Variants in CCDC7 observed in about 807,000 individuals in gnomAD.
The protein encoded by CCDC7 is coiled-coil domain containing 7, also known as coiled-coil domain-containing protein 7.
Under a neutral mutation model 196.9 loss-of-function variants are expected in CCDC7, and 183 were observed. That is an observed-to-expected ratio of 0.93 (90% CI 0.82 to 1.05). The LOEUF (loss-of-function observed/expected upper bound fraction) is 1.05. Ranked by LOEUF, CCDC7 falls within the 50% of genes least tolerant of loss-of-function variation. The pLI, the probability that CCDC7 is intolerant of heterozygous loss-of-function variation, is 0.00. For synonymous variants in CCDC7, 525 were observed against 484.6 expected (o/e 1.08, Z -1.10); for missense variants, 1,540 against 1,482.2 (o/e 1.04, Z -0.64).
At chr10:32,819,194 C>T (rs1343000653) in intron 31 of CCDC7, among the ~76,000 whole-genome samples, 1 of 152,152 alleles carries the variant, frequency 6.6e-6, no homozygotes, top group Non-Finnish European at 1.5e-5. Context: ...CACCTCTACA[C>T]AAATAAACTA....
chr10:32,522,475 C>T (rs1308154924), intron 11 of CCDC7, among the ~76,000 whole-genome samples: 2 of 152,092 alleles, frequency 1.3e-5, no homozygotes, highest in Admixed American at 6.5e-5. Flanking sequence ...ATAGTAGCCA[C>T]TAATGATTCT....
At chr10:32,773,389 A>G (rs1354217457) in intron 28 of CCDC7, among the ~76,000 whole-genome samples, 1 of 151,660 alleles carries the variant, frequency 6.6e-6, no homozygotes, top group Non-Finnish European at 1.5e-5. Context: ...TGCTCCTCTA[A>G]TTGTATAATT....
At chr10:32,730,861 AT>A (rs1324403853) in intron 28 of CCDC7, among the ~76,000 whole-genome samples, 1 of 152,014 alleles carries the variant, frequency 6.6e-6, no homozygotes, top group African/African-American at 2.4e-5. Context: ...AAATATGGAA[AT>A]AATATTATTA....
intron 13 of CCDC7, among the ~76,000 whole-genome samples, chr10:32,558,624 C>A (rs1033732731): frequency 6.6e-6 from 1 of 152,198 alleles, no homozygotes; most frequent in African/African-American, 2.4e-5. Flanking sequence ...TGAGAATCTT[C>A]CCTAGAGTTC....
At chr10:32,444,208 G>A (rs1164821979), upstream of CCDC7, among the ~76,000 whole-genome samples, 1 of 152,170 alleles carries the variant, frequency 6.6e-6, no homozygotes, top group Non-Finnish European at 1.5e-5. Flanking sequence ...TGAAAATGAT[G>A]TTAGCTGGAG....
At chr10:32,460,297 A>G (rs963848996) in intron 3 of CCDC7, among the ~76,000 whole-genome samples, 4 of 152,202 alleles carry the variant, frequency 2.6e-5, no homozygotes, top group Non-Finnish European at 5.9e-5. Context: ...TAAGTAAATG[A>G]TTAAACAAAT....
intron 24 of CCDC7, among the ~76,000 whole-genome samples, chr10:32,698,517 G>T (rs192602475): frequency 6.6e-6 from 1 of 152,084 alleles, no homozygotes; most frequent in Admixed American, 6.6e-5. Context: ...AAATAACCTG[G>T]TGGAGCTGAA....
At chr10:32,769,398 G>C (rs2078815457) in intron 28 of CCDC7, among the ~76,000 whole-genome samples, 1 of 151,010 alleles carries the variant, frequency 6.6e-6, no homozygotes, top group Non-Finnish European at 1.5e-5. Context: ...TTTTTGGTTA[G>C]TCTAGATAGT....
intron 25 of CCDC7, among the ~76,000 whole-genome samples, chr10:32,724,441 T>C (rs1310598358): frequency 6.6e-6 from 1 of 152,106 alleles, no homozygotes; most frequent in African/African-American, 2.4e-5. Flanking sequence ...AATTAAGCCT[T>C]TTTTCAGATA....
At chr10:32,511,949 A>C (rs1344103407) in intron 9 of CCDC7, 2 of 564,078 alleles carry the variant, frequency 3.5e-6, no homozygotes, top group African/African-American at 3.8e-5. Context: ...TTAAATTATT[A>C]TGCATAAATT....
chr10:32,807,206 C>T (rs2086018518), intron 30 of CCDC7, among the ~76,000 whole-genome samples: 1 of 152,134 alleles, frequency 6.6e-6, no homozygotes, highest in Non-Finnish European at 1.5e-5. Flanking sequence ...TTCTGTAACT[C>T]TGAAAGACCA....
At chr10:32,460,574 T>A (rs1342028952) in intron 3 of CCDC7, among the ~76,000 whole-genome samples, 1 of 152,186 alleles carries the variant, frequency 6.6e-6, no homozygotes, top group Non-Finnish European at 1.5e-5. Context: ...GAATCTTTCT[T>A]GACAGTGGAA....
chr10:32,630,348 A>G (rs2064682813), intron 18 of CCDC7, among the ~76,000 whole-genome samples: 1 of 151,366 alleles, frequency 6.6e-6, no homozygotes, highest in Non-Finnish European at 1.5e-5. Context: ...ATATATATGC[A>G]TATATATGTA....
intron 15 of CCDC7, among the ~76,000 whole-genome samples, chr10:32,569,947 G>A (rs1380521804): frequency 6.6e-6 from 1 of 152,022 alleles, no homozygotes; most frequent in Non-Finnish European, 1.5e-5. Context: ...GTAGTTCTCT[G>A]GGTTTTGTCC....
intron 31 of CCDC7, among the ~76,000 whole-genome samples, chr10:32,817,694 A>C (rs2089076361): frequency 6.6e-6 from 1 of 152,246 alleles, no homozygotes; most frequent in South Asian, 2.1e-4. Context: ...AACATTCTTA[A>C]AGAAAAGAAT....
chr10:32,870,230 G>T (rs909891114), intron 41 of CCDC7, among the ~76,000 whole-genome samples: 2 of 152,126 alleles, frequency 1.3e-5, no homozygotes, highest in African/African-American at 4.8e-5. Context: ...CTACCCATGA[G>T]CATGGAATGT....
intron 20 of CCDC7, among the ~76,000 whole-genome samples, chr10:32,657,420 A>G (rs1392486012): frequency 1.3e-5 from 2 of 152,222 alleles, no homozygotes; most frequent in African/African-American, 4.8e-5. Flanking sequence ...AAGTTCCCAA[A>G]TCTCAATTCT....
At chr10:32,732,288 A>T (rs1046820875) in intron 28 of CCDC7, among the ~76,000 whole-genome samples, 1 of 152,168 alleles carries the variant, frequency 6.6e-6, no homozygotes, top group African/African-American at 2.4e-5. Flanking sequence ...TGAGACTTCA[A>T]AGTAATTATA....
At chr10:32,773,202 C>A (rs925319725) in intron 28 of CCDC7, among the ~76,000 whole-genome samples, 1 of 152,148 alleles carries the variant, frequency 6.6e-6, no homozygotes, top group Non-Finnish European at 1.5e-5. Flanking sequence ...TACCTGGATG[C>A]TGTTTTCTGT....
Sources: gnomAD v4.1 joint callset for allele counts (sites outside exome capture counted in the v4.1 genomes callset) on GRCh38, gnomAD v4.1.1 for gene constraint, MANE v1.5 for transcripts, NCBI Gene and HGNC (gene_info 2026-07-23, HGNC 2026-07-21) for gene names.